Variants in RBMS1 observed in about 807,000 individuals in gnomAD.
RBMS1 encodes the protein RNA-binding motif, single-stranded-interacting protein 1.
RBMS1 carries 17 observed loss-of-function variants against 62.3 expected under a neutral mutation model. The observed-to-expected ratio is 0.27, with a 90% CI of 0.19 to 0.41. The LOEUF (loss-of-function observed/expected upper bound fraction) is 0.41, where lower values mean the gene tolerates loss of function less well. RBMS1 is among the 10% of genes least tolerant of loss of function. RBMS1 has a pLI of 1.00. For synonymous variants in RBMS1, 172 were observed against 170.0 expected, an observed-to-expected ratio of 1.01 and a Z score of -0.09; for missense variants, 334 against 504.5, an observed-to-expected ratio of 0.66 and a Z score of 3.24.
In RBMS1 at chr2:160,386,271, C is replaced by T. The variant is rs111255565; in HGVS notation, c.76-18880G>A. The stretch of plus-strand genomic sequence containing the variant: ...GTGGGGCCTTGGCCAGGCACAGTGG[C>T]TCACGCCTGTAATCCCAACACTTTG... On this transcript the variant is annotated intron_variant, in intron 1 of 13. Transcript: ENST00000348849. Among the ~76,000 whole-genome samples, 793 of 152,312 alleles carry T rather than the reference C, an allele frequency of 5.2e-3. 9 individuals are homozygous for T. The highest frequency in any genetic ancestry group is 0.018 in the African/African-American group (760 of 41,570).
intron 1 of RBMS1, among the ~76,000 whole-genome samples, chr2:160,458,083 C>A (rs1020732537): frequency 6.6e-6 from 1 of 151,968 alleles, no homozygotes; most frequent in Non-Finnish European, 1.5e-5. Flanking sequence ...CCCACCCCAG[C>A]CTCCTGAGTA....
chr2:160,359,673 A>G (rs1434136516), intron 2 of RBMS1, among the ~76,000 whole-genome samples: 1 of 152,260 alleles, frequency 6.6e-6, no homozygotes, highest in Non-Finnish European at 1.5e-5. Context: ...AGGTAACTTC[A>G]TAATAGGGTA....
intron 1 of RBMS1, among the ~76,000 whole-genome samples, chr2:160,375,189 T>C (rs1023131539): frequency 2.0e-5 from 3 of 152,188 alleles, no homozygotes; most frequent in African/African-American, 4.8e-5. Flanking sequence ...TTTAGTACTC[T>C]TGTCTGTCTG....
chr2:160,279,278 A>G (rs879777433), intron 10 of RBMS1: 3 of 152,198 alleles, frequency 2.0e-5, no homozygotes, highest in Non-Finnish European at 2.9e-5. Flanking sequence ...ATGATTAATA[A>G]TCTGAGTCCA....
chr2:160,419,284 G>A (rs1003260038), intron 1 of RBMS1, among the ~76,000 whole-genome samples: 2 of 152,000 alleles, frequency 1.3e-5, no homozygotes, highest in East Asian at 1.9e-4. Context: ...AATATATCAG[G>A]CTAAAAAATA....
intron 1 of RBMS1, chr2:160,408,663 C>G (rs1051199943): frequency 6.6e-6 from 1 of 152,100 alleles, no homozygotes; most frequent in Non-Finnish European, 1.5e-5. Flanking sequence ...CACAGAAACT[C>G]GGCAAAAAAG....
At position 160,287,082 on chromosome 2, in the gene RBMS1, G is replaced by T. The variant is rs763385828; in HGVS notation, c.643C>A (p.Pro215Thr). 9 of 1,613,808 alleles carry T rather than the reference G, an allele frequency of 5.6e-6. No individual in the cohort carries two copies. Among genetic ancestry groups the T allele is most frequent in the Non-Finnish European group, 5.9e-6 (7 of 1,179,928 alleles). Residue 215 changes from proline to threonine, a missense_variant and splice_region_variant, in exon 7 of 14, where the codon CCC becomes ACC. Physicochemically the swap from Pro to Thr is conservative, Grantham distance 38. This residue lies in a region of RBMS1 where 182 missense variants were observed against 257.7 expected (regional missense o/e 0.71). Transcript: ENST00000348849. ...FIKTPPGVSA[P>T]TEPLLCKFAD... ...AACTTACACAATAAAGGTTCTGTGGGGGCTAAGTAAACAGAGAAAAATAAA... is the reference window on the plus strand; with the variant it reads ...AACTTACACAATAAAGGTTCTGTGGTGGCTAAGTAAACAGAGAAAAATAAA...
chr2:160,273,548 T>C lies in RBMS1; in HGVS notation c.*1224A>G, dbSNP rs1687678484. ...CTAGTAGCCAATCGTTTTGCTTCTA[T>C]TCGTTATCTCAGCTTATGTTTGAAG... On this transcript the variant is annotated 3_prime_UTR_variant, in exon 14 of 14. Coordinates refer to ENST00000348849, the MANE Select transcript of RBMS1 (RefSeq NM_016836.4). The C allele has an allele frequency of 6.6e-6, 1 of 152,214 alleles. No individual in the cohort carries two copies. Among genetic ancestry groups the C allele is most frequent in the African/African-American group, 2.4e-5 (1 of 41,442 alleles). 9.4% of individuals were successfully genotyped at this position (152,214 alleles called of 1,614,324 possible).
At chr2:160,476,801 G>T (rs1021083258) in intron 1 of RBMS1, among the ~76,000 whole-genome samples, 4 of 151,692 alleles carry the variant, frequency 2.6e-5, no homozygotes, top group African/African-American at 9.7e-5. Context: ...TGATCCGCCC[G>T]CCTCGGCCTC....
Position 160,437,764 on chromosome 2 carries a change from T to A in RBMS1, c.75+55525A>T, listed in dbSNP as rs115683462. Among the ~76,000 whole-genome samples the A allele has an allele frequency of 2.6e-5, 4 of 152,222 alleles. No individual in the cohort carries two copies. The East Asian group carries it at 7.7e-4, about 29-fold the overall frequency. On this transcript the variant is annotated intron_variant, in intron 1 of 13. Coordinates refer to ENST00000348849, the MANE Select transcript of RBMS1 (RefSeq NM_016836.4). ...GTCCATATTGCCTGTGCTAAACACA[T>A]AGCTGTCATTCAGGAAAAATCACAG... is the stretch of plus-strand genomic sequence containing the variant.
chr2:160,387,480 G>A (rs1289827055), intron 1 of RBMS1, among the ~76,000 whole-genome samples: 2 of 152,066 alleles, frequency 1.3e-5, no homozygotes, highest in African/African-American at 2.4e-5. Flanking sequence ...GAGCCACGTC[G>A]TGGTCTGGGT....
chr2:160,438,454 G>A (rs1158959389), intron 1 of RBMS1, among the ~76,000 whole-genome samples: 1 of 151,852 alleles, frequency 6.6e-6, no homozygotes, highest in Non-Finnish European at 1.5e-5. Flanking sequence ...AGGGAGTGGT[G>A]ATGACTCTTA....
At chr2:160,367,129 C>T (rs1050409248) in intron 2 of RBMS1, 87 bp downstream of exon 2, 37 of 1,308,370 alleles carry the variant, frequency 2.8e-5, no homozygotes, top group Non-Finnish European at 3.6e-5. Flanking sequence ...TTCTTATAAA[C>T]TTCTCTTATA....
At chr2:160,306,986 T>C (rs1689564255) in intron 4 of RBMS1, among the ~76,000 whole-genome samples, 1 of 152,128 alleles carries the variant, frequency 6.6e-6, no homozygotes, top group African/African-American at 2.4e-5. Flanking sequence ...CCTTTGTCCC[T>C]AGGCATGGAA....
At chr2:160,349,098 A>T (rs1692342259) in intron 2 of RBMS1, among the ~76,000 whole-genome samples, 1 of 152,106 alleles carries the variant, frequency 6.6e-6, no homozygotes, top group African/African-American at 2.4e-5. Context: ...CACTCTGATG[A>T]GTTACTAGTG....
At chr2:160,449,813 A>G (rs1000561155) in intron 1 of RBMS1, among the ~76,000 whole-genome samples, 12 of 138,648 alleles carry the variant, frequency 8.7e-5, no homozygotes, top group Non-Finnish European at 1.6e-5. Flanking sequence ...AACACCCAAG[A>G]ACGATCAATA....
chr2:160,383,526 A>G (rs1694402320), intron 1 of RBMS1, among the ~76,000 whole-genome samples: 1 of 152,146 alleles, frequency 6.6e-6, no homozygotes, highest in Admixed American at 6.5e-5. Context: ...ATAGACAAAT[A>G]ATAAGTATAC....
chr2:160,311,232 C>CTCTCTCTA (rs1553505424), intron 4 of RBMS1, among the ~76,000 whole-genome samples: 5 of 79,252 alleles, frequency 6.3e-5, no homozygotes, highest in Non-Finnish European at 1.3e-4. Context: ...ATCTATCTAT[C>CTCTCTCTA]TATATATATA....
Position 160,398,058 on chromosome 2 carries a change from T to C in RBMS1, c.76-30667A>G, listed in dbSNP as rs186663408. ...AAATCTGAGAAGTTTCTGTGCTTCTTCCCCAGAGCTCCGGTTCTCTAACTG... is the reference window on the plus strand; with the variant it reads ...AAATCTGAGAAGTTTCTGTGCTTCTCCCCCAGAGCTCCGGTTCTCTAACTG... On this transcript the variant is annotated intron_variant, in intron 1 of 13. Transcript: ENST00000348849. Among the ~76,000 whole-genome samples the C allele has an allele frequency of 1.4e-3, 218 of 152,296 alleles. 2 individuals are homozygous for C. The highest frequency in any genetic ancestry group is 4.8e-3 in the African/African-American group (201 of 41,542).
Sources: gnomAD v4.1 joint callset for allele counts (sites outside exome capture counted in the v4.1 genomes callset) on GRCh38, gnomAD v4.1.1 for gene constraint, gnomAD v4.1.1 regional missense constraint, MANE v1.5 for transcripts, NCBI Gene and HGNC (gene_info 2026-07-23, HGNC 2026-07-21) for gene names.